AXDND1: variants seen among roughly 807,000 people sequenced by gnomAD.
AXDND1 encodes the protein axonemal dynein light chain domain containing 1.
In AXDND1, 110 loss-of-function variants were observed where a neutral mutation model predicts 137.5. The ratio of observed to expected loss-of-function variants is 0.80; its 90% confidence interval spans 0.69 to 0.94. AXDND1 has a LOEUF of 0.94. Ranked by LOEUF, AXDND1 falls within the 40% of genes least tolerant of loss-of-function variation. The pLI is 0.00. For synonymous variants in AXDND1, 414 were observed against 399.7 expected (o/e 1.04, Z -0.43); for missense variants, 1,191 against 1,169.8 (o/e 1.02, Z -0.26).
chr1:179,379,036 C>T (rs1203459710), intron 5 of AXDND1, among the ~76,000 whole-genome samples: 1 of 152,020 alleles, frequency 6.6e-6, no homozygotes, highest in Non-Finnish European at 1.5e-5. Context: ...TATTGTTTTT[C>T]CCTTAGAAAT....
In AXDND1 at chr1:179,369,985, C is replaced by A. The variant is rs753770950; in HGVS notation, c.281C>A (p.Pro94Gln). Residue 94 changes from proline to glutamine, a missense_variant, in exon 4 of 26, where the codon CCA becomes CAA. Pro to Gln is a moderately conservative substitution (Grantham distance 76). Coordinates refer to ENST00000367618, the MANE Select transcript of AXDND1 (RefSeq NM_144696.6). ...TTTGCTTTTTCCCAGGGCACTCTTC[C>A]ACGCCTTGTAGACCATGTCTGGCAT... is the stretch of plus-strand genomic sequence containing the variant. ...KKIKTPKGTLPRLVDHVWHHP... is the reference protein window; with the variant it reads ...KKIKTPKGTLQRLVDHVWHHP... 2.5e-6 allele frequency: 4 copies of A among 1,613,648 alleles called. No homozygotes were observed. Among genetic ancestry groups the A allele is most frequent in the Non-Finnish European group, 3.4e-6 (4 of 1,179,728 alleles).
At chr1:179,516,445 T>C (rs1263915978) in intron 21 of AXDND1, among the ~76,000 whole-genome samples, 5 of 152,214 alleles carry the variant, frequency 3.3e-5, no homozygotes, top group Non-Finnish European at 2.9e-5. Context: ...TCCTGAATTC[T>C]TTTTCATGTA....
At chr1:179,391,579 C>G (rs993456932) in intron 9 of AXDND1, among the ~76,000 whole-genome samples, 1 of 151,864 alleles carries the variant, frequency 6.6e-6, no homozygotes, top group Non-Finnish European at 1.5e-5. Flanking sequence ...CTCTGTTGCC[C>G]AGGCTGTAGT....
chr1:179,429,178 G>GA (rs11431069), intron 12 of AXDND1, among the ~76,000 whole-genome samples: 95,618 of 149,576 alleles, frequency 0.64, 30,805 homozygotes, highest in Middle Eastern at 0.69. Context: ...CACTGTCTCA[G>GA]AAAAAAAAAT....
rs189963984 is a variant in AXDND1, at chr1:179,535,345, G to T, written c.3031+383G>T. ...CCCATCAACTCATCATTTACATCAG[G>T]TATTTCTCCTAATGCTATCCCTCCC... is the stretch of plus-strand genomic sequence containing the variant. On this transcript the variant is annotated intron_variant, in intron 25 of 25. Transcript: ENST00000367618. 1.6e-3 allele frequency among the ~76,000 whole-genome samples: 249 copies of T among 152,080 alleles called. 2 individuals are homozygous for T. The highest frequency in any genetic ancestry group is 2.9e-3 in the Non-Finnish European group (194 of 67,990).
chr1:179,478,313 T>C (rs970217793), intron 17 of AXDND1, among the ~76,000 whole-genome samples: 2 of 152,240 alleles, frequency 1.3e-5, no homozygotes, highest in African/African-American at 2.4e-5. Flanking sequence ...ACGTTCTCCA[T>C]TAGCACCCCA....
intron 11 of AXDND1, 41 bp downstream of exon 11, chr1:179,395,243 GGAA>G: frequency 1.3e-6 from 2 of 1,516,828 alleles, no homozygotes; most frequent in Non-Finnish European, 1.8e-6. Flanking sequence ...TAGGGGAAAA[GGAA>G]GAAGCTTATA....
intron 16 of AXDND1, among the ~76,000 whole-genome samples, chr1:179,445,435 A>G (rs1207671384): frequency 6.6e-6 from 1 of 152,126 alleles, no homozygotes; most frequent in Admixed American, 6.5e-5. Context: ...AGATGTGTGC[A>G]TCTATTACCA....
At chr1:179,414,173 G>A (rs1025094150) in intron 12 of AXDND1, among the ~76,000 whole-genome samples, 2 of 148,050 alleles carry the variant, frequency 1.4e-5, no homozygotes, top group African/African-American at 2.5e-5. Context: ...CTTTAATAAA[G>A]GTTGATGAAT....
intron 20 of AXDND1, among the ~76,000 whole-genome samples, chr1:179,494,193 C>A (rs1558266186): frequency 6.6e-6 from 1 of 152,132 alleles, no homozygotes; most frequent in Admixed American, 6.6e-5. Context: ...CTCAAGTGAT[C>A]CGCCCTCCTC....
chr1:179,513,206 T>G (rs1669214780), intron 21 of AXDND1, among the ~76,000 whole-genome samples: 1 of 152,220 alleles, frequency 6.6e-6, no homozygotes, highest in South Asian at 2.1e-4. Flanking sequence ...GGATTTGCCA[T>G]AGATGGCTTT....
At position 179,554,702 on chromosome 1, in the gene AXDND1, A is replaced by C; in HGVS notation, c.*183A>C. The C allele has an allele frequency of 8.5e-6, 7 of 821,784 alleles. No homozygotes were observed. In the East Asian group the frequency reaches 1.9e-4, roughly 22 times the overall value. The allele number at this position is 821,784 out of a possible 1,614,324, so 50.9% of individuals were successfully genotyped here. A position where few individuals can be genotyped will look rare whatever the true frequency, so the allele number is the denominator to read the frequency against. Reference sequence around the variant, plus strand: ...CCTTGCAAAGAGTTGTTTAACTTGCATGGTGCCACCCAATAAATATCTGTG... The same window carrying C: ...CCTTGCAAAGAGTTGTTTAACTTGCCTGGTGCCACCCAATAAATATCTGTG... On this transcript the variant is annotated 3_prime_UTR_variant, in exon 26 of 26. Transcript: ENST00000367618.
At chr1:179,423,607 A>T (rs1350807384) in intron 12 of AXDND1, among the ~76,000 whole-genome samples, 1 of 152,028 alleles carries the variant, frequency 6.6e-6, no homozygotes, top group Non-Finnish European at 1.5e-5. Flanking sequence ...AGGTTTTTGC[A>T]TGGTGGTTAC....
At chr1:179,376,019 T>G (rs1668583757) in intron 4 of AXDND1, among the ~76,000 whole-genome samples, 1 of 152,182 alleles carries the variant, frequency 6.6e-6, no homozygotes, top group Non-Finnish European at 1.5e-5. Flanking sequence ...CCAAATGGCA[T>G]TGCCCTCAAA....
At chr1:179,549,730 A>G (rs892226017) in intron 25 of AXDND1, among the ~76,000 whole-genome samples, 1 of 152,106 alleles carries the variant, frequency 6.6e-6, no homozygotes, top group Non-Finnish European at 1.5e-5. Flanking sequence ...CCTCGGTGCC[A>G]TCTTAATTCC....
At chr1:179,437,354 G>A (rs1257533421) in intron 15 of AXDND1, among the ~76,000 whole-genome samples, 1 of 152,160 alleles carries the variant, frequency 6.6e-6, no homozygotes, top group African/African-American at 2.4e-5. Flanking sequence ...GCAGGCTTGC[G>A]AGACTGCATC....
chr1:179,426,432 G>T (rs1328749351), intron 12 of AXDND1, among the ~76,000 whole-genome samples: 1 of 152,108 alleles, frequency 6.6e-6, no homozygotes, highest in Non-Finnish European at 1.5e-5. Context: ...AACATTTTTA[G>T]CTTAGCATAT....
chr1:179,426,133 C>A lies in AXDND1; in HGVS notation c.1231-3385C>A, dbSNP rs1656537131. ...TATAGGACTGAGCCACTGCGCCTGG[C>A]CAAAGCTCTTTCTAAGTATGACGGG... On this transcript the variant is annotated intron_variant, in intron 12 of 25. Transcript: ENST00000367618. Among the ~76,000 whole-genome samples the A allele has an allele frequency of 3.3e-5, 5 of 152,072 alleles. No individual in the cohort carries two copies. In the South Asian group the frequency reaches 1.0e-3, roughly 32 times the overall value.
Position 179,487,995 on chromosome 1 carries a change from C to CAAAAA in AXDND1, c.2092-3527_2092-3523dup, listed in dbSNP as rs71114524. On this transcript the variant is annotated intron_variant, in intron 18 of 25. Coordinates refer to ENST00000367618, the MANE Select transcript of AXDND1 (RefSeq NM_144696.6). ...TGTGAAACAGAGTGAGACCATGTCT[C>CAAAAA]AAAAAAAAAAAAAAAAAAAAGAGAA... Among the ~76,000 whole-genome samples, 415 of 101,378 alleles carry CAAAAA rather than the reference C, an allele frequency of 4.1e-3. 7 individuals carry two copies. The highest frequency in any genetic ancestry group is 5.4e-3 in the African/African-American group (118 of 22,054). The allele number at this position is 101,378 out of a possible 152,430, so 66.5% of individuals were successfully genotyped here.
Sources: gnomAD v4.1 joint callset for allele counts (sites outside exome capture counted in the v4.1 genomes callset) on GRCh38, gnomAD v4.1.1 for gene constraint, MANE v1.5 for transcripts, NCBI Gene and HGNC (gene_info 2026-07-23, HGNC 2026-07-21) for gene names.